PREX2: variants seen among roughly 807,000 people sequenced by gnomAD.
PREX2 encodes phosphatidylinositol 3,4,5-trisphosphate-dependent Rac exchanger 2 protein.
In PREX2, 107 loss-of-function variants were observed where a neutral mutation model predicts 203.2. That is an observed-to-expected ratio of 0.53 (90% CI 0.45 to 0.62). The LOEUF (loss-of-function observed/expected upper bound fraction) is 0.62. PREX2 is among the 20% of genes least tolerant of loss of function. The pLI is 0.00. For synonymous variants in PREX2, 672 were observed against 663.6 expected (o/e 1.01, Z -0.19); for missense variants, 1,777 against 1,955.9 (o/e 0.91, Z 1.72).
At chr8:68,170,653 C>A (rs1811858827) in intron 35 of PREX2, among the ~76,000 whole-genome samples, 1 of 152,200 alleles carries the variant, frequency 6.6e-6, no homozygotes, top group South Asian at 2.1e-4. Context: ...AGAGTAACAG[C>A]ATGTAAAGTG....
At position 67,976,448 on chromosome 8, in the gene PREX2, C is replaced by CAG. The variant is rs10581119; in HGVS notation, c.141+23929_141+23930dup. Among the ~76,000 whole-genome samples, 248 of 95,654 alleles carry CAG rather than the reference C, an allele frequency of 2.6e-3. 11 individuals carry two copies. The highest frequency in any genetic ancestry group is 0.025 in the Admixed American group (222 of 8,930). The allele number at this position is 95,654 out of a possible 152,430, so 62.8% of individuals were successfully genotyped here. On this transcript the variant is annotated intron_variant, in intron 1 of 39. Transcript: ENST00000288368. Reference sequence around the variant, plus strand: ...GACAGAGAGAGAGATGGGAGAGAGACAGAGAGAGAGAGAGAGACAGAGACA... The same window carrying CAG: ...GACAGAGAGAGAGATGGGAGAGAGACAGAGAGAGAGAGAGAGAGACAGAGACA...
chr8:68,081,767 T>C (rs1809534787), intron 17 of PREX2, among the ~76,000 whole-genome samples: 1 of 152,110 alleles, frequency 6.6e-6, no homozygotes, highest in Admixed American at 6.5e-5. Flanking sequence ...TGATCTCGGC[T>C]CACTGCAACC....
chr8:68,136,778 G>A (rs1811121377), intron 32 of PREX2, among the ~76,000 whole-genome samples: 1 of 152,090 alleles, frequency 6.6e-6, no homozygotes, highest in Non-Finnish European at 1.5e-5. Flanking sequence ...ACCTCTTTGT[G>A]TCTCCACGCT....
At chr8:68,058,464 C>T (rs1212451955) in intron 10 of PREX2, among the ~76,000 whole-genome samples, 2 of 151,502 alleles carry the variant, frequency 1.3e-5, no homozygotes, top group East Asian at 3.9e-4. Context: ...GATGGAGTCT[C>T]ACTCTGTCGC....
chr8:68,200,102 T>C (rs1812473081), intron 37 of PREX2, among the ~76,000 whole-genome samples: 1 of 152,172 alleles, frequency 6.6e-6, no homozygotes, highest in Non-Finnish European at 1.5e-5. Context: ...GTAACAAGAT[T>C]AGAGGAGACA....
chr8:68,065,635 T>C (rs1268866086), intron 11 of PREX2, among the ~76,000 whole-genome samples: 2 of 152,218 alleles, frequency 1.3e-5, no homozygotes, highest in African/African-American at 2.4e-5. Flanking sequence ...TTCTGACAAC[T>C]TTCTTTCCTC....
chr8:68,074,264 C>T (rs982365981), intron 14 of PREX2, among the ~76,000 whole-genome samples: 7 of 152,074 alleles, frequency 4.6e-5, no homozygotes, highest in Admixed American at 1.3e-4. Context: ...CACGCCCAGC[C>T]GCAATTTTTT....
At chr8:67,975,553 C>G (rs1036621457) in intron 1 of PREX2, among the ~76,000 whole-genome samples, 1 of 151,620 alleles carries the variant, frequency 6.6e-6, no homozygotes, top group African/African-American at 2.4e-5. Context: ...AAGAAGAAAA[C>G]GAGAGCAACA....
chr8:68,064,932 C>T (rs1055576751), intron 11 of PREX2, among the ~76,000 whole-genome samples: 4 of 152,182 alleles, frequency 2.6e-5, no homozygotes, highest in African/African-American at 7.2e-5. Flanking sequence ...CCTACCTTCA[C>T]CACCTAGAGA....
chr8:68,002,194 C>G (rs1031026184), intron 1 of PREX2, among the ~76,000 whole-genome samples: 2 of 144,182 alleles, frequency 1.4e-5, no homozygotes, highest in Non-Finnish European at 3.0e-5. Flanking sequence ...GCCATCTAGG[C>G]TGGAATGCAG....
intron 32 of PREX2, among the ~76,000 whole-genome samples, chr8:68,135,099 T>TTGTGTGTGTGTGTGTGTGTGTG (rs9298129): frequency 4.0e-5 from 6 of 148,786 alleles, no homozygotes; most frequent in Admixed American, 6.7e-5. Flanking sequence ...AAAACAAATT[T>TTGTGTGTGTGTGTGTGTGTGTG]TGTGTGTGTG....
At chr8:68,185,443 T>C (rs777185320) in intron 35 of PREX2, among the ~76,000 whole-genome samples, 7 of 152,186 alleles carry the variant, frequency 4.6e-5, no homozygotes, top group Non-Finnish European at 8.8e-5. Context: ...CAGTTTGACC[T>C]GTCAGAATTC....
chr8:68,209,444 A>AAT (rs1290031974), intron 37 of PREX2, among the ~76,000 whole-genome samples: 1 of 152,160 alleles, frequency 6.6e-6, no homozygotes. Context: ...TCTAAATATA[A>AAT]ATCTATAGCT....
intron 34 of PREX2, among the ~76,000 whole-genome samples, chr8:68,149,450 A>G (rs1051625692): frequency 6.6e-6 from 1 of 152,204 alleles, no homozygotes; most frequent in East Asian, 1.9e-4. Context: ...ATAACCAACC[A>G]AACTGCTAGA....
chr8:68,225,962 C>T (rs1435742314), intron 39 of PREX2, among the ~76,000 whole-genome samples: 3 of 152,130 alleles, frequency 2.0e-5, no homozygotes, highest in South Asian at 4.1e-4. Context: ...GGGTGGGGAT[C>T]AGACTTCAGC....
intron 18 of PREX2, among the ~76,000 whole-genome samples, chr8:68,085,057 T>C (rs969859143): frequency 2.0e-5 from 3 of 152,198 alleles, no homozygotes; most frequent in African/African-American, 7.2e-5. Flanking sequence ...TGTCTAGAAC[T>C]CTAGATTACA....
At chr8:68,139,384 AG>A (rs1376599948) in intron 33 of PREX2, among the ~76,000 whole-genome samples, 3 of 152,162 alleles carry the variant, frequency 2.0e-5, no homozygotes, top group Admixed American at 2.0e-4. Context: ...GCATGCTCTC[AG>A]GATAGGAAGT....
At chr8:68,230,218 G>A (rs1158408203) in intron 39 of PREX2, among the ~76,000 whole-genome samples, 1 of 152,206 alleles carries the variant, frequency 6.6e-6, no homozygotes, top group Admixed American at 6.5e-5. Context: ...GGGATTAAAT[G>A]TCAAAGGGAG....
chr8:68,134,755 T>C (rs540165027), intron 32 of PREX2, among the ~76,000 whole-genome samples: 1 of 152,350 alleles, frequency 6.6e-6, no homozygotes, highest in Admixed American at 6.5e-5. Context: ...TTTTAGTTCT[T>C]TTCTTTGTAT....
Sources: gnomAD v4.1 joint callset for allele counts (sites outside exome capture counted in the v4.1 genomes callset) on GRCh38, gnomAD v4.1.1 for gene constraint, MANE v1.5 for transcripts, NCBI Gene and HGNC (gene_info 2026-07-23, HGNC 2026-07-21) for gene names.